Variants in CDH15 observed in about 807,000 individuals in gnomAD.
The protein encoded by CDH15 is cadherin-15.
Under a neutral mutation model 69.4 loss-of-function variants are expected in CDH15, and 73 were observed. The observed-to-expected ratio is 1.05, with a 90% CI of 0.87 to 1.28. CDH15 has a LOEUF of 1.28. CDH15 is among the 50% of genes most tolerant of loss of function. The pLI is 0.00. For synonymous variants in CDH15, 624 were observed against 507.7 expected (o/e 1.23, Z -3.08); for missense variants, 1,343 against 1,133.6 (o/e 1.18, Z -2.65).
intron 3 of CDH15, among the ~76,000 whole-genome samples, chr16:89,182,376 C>T (rs1915399477): frequency 1.3e-5 from 2 of 150,538 alleles, no homozygotes; most frequent in South Asian, 4.2e-4. Context: ...CACAACGGCT[C>T]ATGCTTGTAA....
rs1915332506 is a variant in CDH15, at chr16:89,179,664, G to A, written c.201+90G>A. On this transcript the variant is annotated intron_variant, in intron 2 of 13. Coordinates refer to ENST00000289746, the MANE Select transcript of CDH15 (RefSeq NM_004933.3). ...TTCTCTAAAGGTCTCCTGGGAGCCA[G>A]CGGGGCCCCATTTCAGGACAGAGCT... 9 of 1,373,172 alleles carry A rather than the reference G, an allele frequency of 6.6e-6. No homozygotes were observed. In the East Asian group the frequency reaches 2.1e-4, roughly 32 times the overall value. 85.1% of individuals were successfully genotyped at this position (1,373,172 alleles called of 1,614,324 possible).
At chr16:89,173,309 G>A (rs886779474) in intron 1 of CDH15, among the ~76,000 whole-genome samples, 1 of 151,976 alleles carries the variant, frequency 6.6e-6, no homozygotes, top group African/African-American at 2.4e-5. Flanking sequence ...GGAGGCTGGC[G>A]CCTGTGAAAA....
chr16:89,191,282 G>A (rs768170061), intron 8 of CDH15, 48 bp from the exon 9 acceptor site: 4 of 1,611,316 alleles, frequency 2.5e-6, no homozygotes, highest in Middle Eastern at 1.6e-4. Flanking sequence ...CACACCTGTG[G>A]GGCCCTGGGG....
intron 5 of CDH15, among the ~76,000 whole-genome samples, chr16:89,186,870 G>A: frequency 6.7e-6 from 1 of 149,660 alleles, no homozygotes; most frequent in African/African-American, 2.5e-5. Context: ...CGCTTACCCA[G>A]CGCACAGTAG....
At position 89,194,926 on chromosome 16, in the gene CDH15, A is replaced by G. The variant is rs767658323; in HGVS notation, c.2216A>G (p.Tyr739Cys). The G allele has an allele frequency of 2.5e-6, 4 of 1,608,208 alleles. No homozygotes were observed. In the African/African-American group the frequency reaches 4.0e-5, roughly 16 times the overall value. ...TACGACACAGCCCTCATCTATGACTACGAGGGTGACGGCTCGGTGGCGGGG... is the reference window on the plus strand; with the variant it reads ...TACGACACAGCCCTCATCTATGACTGCGAGGGTGACGGCTCGGTGGCGGGG... ...PPYDTALIYD[Y>C]EGDGSVAGTL... Residue 739 changes from tyrosine to cysteine, a missense_variant, in exon 14 of 14, where the codon TAC becomes TGC. Physicochemically the swap from Tyr to Cys is radical, Grantham distance 194 (BLOSUM62 -2). Coordinates refer to ENST00000289746, the MANE Select transcript of CDH15 (RefSeq NM_004933.3).
At chr16:89,189,482 C>T (rs374299980) in intron 7 of CDH15, among the ~76,000 whole-genome samples, 19 of 152,346 alleles carry the variant, frequency 1.2e-4, no homozygotes, top group East Asian at 1.2e-3. Flanking sequence ...ACCTTGTGTT[C>T]GTCCTTGGGT....
Position 89,193,814 on chromosome 16 carries a change from G to T in CDH15, c.2052G>T (p.Pro684=). The T allele has an allele frequency of 6.2e-7, 1 of 1,608,668 alleles. No homozygotes were observed. The change falls in exon 13 of 14, where the codon CCG becomes CCT. Residue 684 remains proline, a synonymous_variant. Transcript: ENST00000289746. ...CAGCGCTGAGCCTGCCTCTGGGACC[G>T]CCGCCACTTCGCAGAGATGCCCCGC... is the stretch of plus-strand genomic sequence containing the variant. ...HPTALSLPLG[P]PPLRRDAPQG...
chr16:89,188,700 G>A (rs111172824), intron 7 of CDH15, among the ~76,000 whole-genome samples: 20,461 of 67,064 alleles, frequency 0.31, 2,481 homozygotes, highest in East Asian at 0.4. Flanking sequence ...AGATGCCCAC[G>A]CACAGATGGC....
chr16:89,194,999 C>G lies in CDH15; in HGVS notation c.2289C>G (p.Tyr763Ter). The G allele has an allele frequency of 1.2e-6, 2 of 1,611,970 alleles. No individual in the cohort carries two copies. Among genetic ancestry groups the G allele is most frequent in the Non-Finnish European group, 1.7e-6 (2 of 1,179,642 alleles). Residue 763 changes from tyrosine to a stop codon, truncating the protein, a stop_gained, in exon 14 of 14, where the codon TAC (tyrosine) becomes TAG (stop). Coordinates refer to ENST00000289746, the MANE Select transcript of CDH15 (RefSeq NM_004933.3). LOFTEE classifies it low-confidence loss of function (END_TRUNC). Reference sequence around the variant, plus strand: ...GCCAGGGCGATGAGGACCAGGACTACGACTACCTCAGAGACTGGGGGCCCC... The same window carrying G: ...GCCAGGGCGATGAGGACCAGGACTAGGACTACCTCAGAGACTGGGGGCCCC... ...LSSQGDEDQD[Y>*]DYLRDWGPRF...
intron 2 of CDH15, 150 bp downstream of exon 2, chr16:89,179,724 G>A: frequency 1.3e-6 from 1 of 799,216 alleles, no homozygotes; most frequent in East Asian, 2.7e-5. Flanking sequence ...AGGGCTCTGG[G>A]CTTCCAACCT....
chr16:89,184,173 T>A (rs997978916), intron 4 of CDH15, among the ~76,000 whole-genome samples: 4 of 152,194 alleles, frequency 2.6e-5, no homozygotes, highest in African/African-American at 9.7e-5. Flanking sequence ...TACCAAGGAC[T>A]GTGGCCAGGC....
chr16:89,180,215 C>T lies in CDH15; in HGVS notation c.217C>T (p.Gln73Ter), dbSNP rs780569078. The T allele has an allele frequency of 1.4e-5, 23 of 1,610,940 alleles. No homozygotes were observed. Among genetic ancestry groups the T allele is most frequent in the Non-Finnish European group, 2.0e-5 (23 of 1,179,152 alleles). ...YPLVQIKSDK[Q>*]QLGSVIYSIQ... Reference sequence around the variant, plus strand: ...TGCCCCACAGATCAAGTCGGACAAGCAGCAGCTGGGCAGCGTCATCTACAG... The same window carrying T: ...TGCCCCACAGATCAAGTCGGACAAGTAGCAGCTGGGCAGCGTCATCTACAG... The change falls in exon 3 of 14, where the codon CAG becomes TAG. Residue 73 changes from glutamine (Q) to a stop codon, truncating the protein, a stop_gained. Transcript: ENST00000289746. LOFTEE classifies it high-confidence loss of function.
chr16:89,176,556 G>C (rs1399673261), intron 1 of CDH15, among the ~76,000 whole-genome samples: 1 of 152,216 alleles, frequency 6.6e-6, no homozygotes, highest in Non-Finnish European at 1.5e-5. Flanking sequence ...CTCGCACAAT[G>C]TGGGGAGCTG....
Position 89,191,399 on chromosome 16 carries a change from G to A in CDH15, c.1302G>A (p.Gln434=). ...VDAATGRIQT[Q]HVLSPASPFL... ...CAGCCACTGGCCGGATCCAGACCCA[G>A]CACGTGCTCAGCCCGGCGTCCCCCT... The change falls in exon 9 of 14, where the codon CAG becomes CAA. Residue 434 remains glutamine, a synonymous_variant. Transcript: ENST00000289746. The A allele has an allele frequency of 6.2e-7, 1 of 1,612,794 alleles. No homozygotes were observed. Among genetic ancestry groups the A allele is most frequent in the South Asian group, 1.1e-5 (1 of 91,084 alleles).
rs768957502 is a variant in CDH15 at position 89,191,872 on chromosome 16, C to A, written c.1593C>A (p.Asn531Lys). Residue 531 changes from asparagine (N) to lysine (K), a missense_variant, in exon 10 of 14, where the codon AAC becomes AAA. Asn to Lys is a moderately conservative substitution (Grantham distance 94, BLOSUM62 0). Transcript: ENST00000289746. ...LSPRLPELGRNWSLSQVNVSH... is the reference protein window; with the variant it reads ...LSPRLPELGRKWSLSQVNVSH... ...CCAGGCTCCCAGAGCTCGGCCGGAA[C>A]TGGAGCCTCAGCCAGGTCAACGGTG... The A allele has an allele frequency of 1.9e-6, 3 of 1,590,216 alleles. No homozygotes were observed. The Admixed American group carries it at 5.2e-5, about 27-fold the overall frequency.
At position 89,188,110 on chromosome 16, in the gene CDH15, A is replaced by T; in HGVS notation, c.803A>T (p.Glu268Val). The change falls in exon 7 of 14, where the codon GAG becomes GTG. Residue 268 changes from glutamate (E) to valine (V), a missense_variant. Transcript: ENST00000289746. ...PEFTRDEFFM[E>V]AIEAVSGVDV... ...GGATCCCCCACCCAGTTCTTCATGG[A>T]GGCCATAGAGGCCGTCAGCGGAGTG... The T allele has an allele frequency of 6.2e-7, 1 of 1,611,438 alleles. No homozygotes were observed. Among genetic ancestry groups the T allele is most frequent in the South Asian group, 1.1e-5 (1 of 90,542 alleles).
intron 7 of CDH15, among the ~76,000 whole-genome samples, chr16:89,189,758 C>T (rs1044273644): frequency 1.3e-5 from 2 of 151,542 alleles, no homozygotes; most frequent in Non-Finnish European, 2.9e-5. Flanking sequence ...GATACTGACA[C>T]AGTAAGAGGT....
At chr16:89,184,592 G>T (rs1915441720) in intron 4 of CDH15, among the ~76,000 whole-genome samples, 1 of 152,180 alleles carries the variant, frequency 6.6e-6, no homozygotes. Flanking sequence ...CACCCAGCCT[G>T]CCCGCGCATC....
At chr16:89,174,643 C>T (rs995085541) in intron 1 of CDH15, among the ~76,000 whole-genome samples, 29 of 152,228 alleles carry the variant, frequency 1.9e-4, no homozygotes, top group Middle Eastern at 3.4e-3. Context: ...AGGGCGGTGG[C>T]CCCAGACGTC....
Sources: allele counts gnomAD v4.1 joint callset (sites outside exome capture counted in the v4.1 genomes callset), GRCh38; gene constraint gnomAD v4.1.1; transcripts MANE v1.5; gene names NCBI Gene and HGNC (gene_info 2026-07-23, HGNC 2026-07-21).